CUX2: variants seen among roughly 807,000 people sequenced by gnomAD.
The protein encoded by CUX2 is homeobox protein cut-like 2.
In CUX2, 40 loss-of-function variants were observed where a neutral mutation model predicts 144.8. The observed-to-expected ratio is 0.28, with a 90% confidence interval of 0.21 to 0.36. The LOEUF (loss-of-function observed/expected upper bound fraction) is 0.36, where lower values mean the gene tolerates loss of function less well. Ranked by LOEUF, CUX2 falls within the 10% of genes least tolerant of loss-of-function variation. CUX2 has a pLI of 1.00. For synonymous variants in CUX2, 827 were observed against 875.6 expected (o/e 0.94, Z 0.98); for missense variants, 1,615 against 1,994.0 (o/e 0.81, Z 3.62).
At chr12:111,083,888 A>C (rs1443173981) in intron 1 of CUX2, among the ~76,000 whole-genome samples, 3 of 152,194 alleles carry the variant, frequency 2.0e-5, no homozygotes, top group Non-Finnish European at 2.9e-5. Flanking sequence ...GTGCTTGTTC[A>C]AGGTTACTTT....
At position 111,061,747 on chromosome 12, in the gene CUX2, A is replaced by T. The variant is rs1336877360; in HGVS notation, c.63+27507A>T. Among the ~76,000 whole-genome samples the T allele has an allele frequency of 6.6e-6, 1 of 151,850 alleles. No individual in the cohort carries two copies. The highest frequency in any genetic ancestry group is 1.5e-5 in the Non-Finnish European group (1 of 68,020). On this transcript the variant is annotated intron_variant, in intron 1 of 21. Coordinates refer to ENST00000261726, the MANE Select transcript of CUX2 (RefSeq NM_015267.4). The surrounding 1 kb of genome is among the most constrained non-coding windows in gnomAD (Gnocchi z 4.2). Reference sequence around the variant, plus strand: ...CCTCAGCCTGGCCCTGGCCCTGGGTATCTCTGGGTTTTTTGTCGTTTTCTT... The same window carrying T: ...CCTCAGCCTGGCCCTGGCCCTGGGTTTCTCTGGGTTTTTTGTCGTTTTCTT...
At chr12:111,288,337 C>T (rs1156775510) in intron 4 of CUX2, among the ~76,000 whole-genome samples, 2 of 151,994 alleles carry the variant, frequency 1.3e-5, no homozygotes, top group African/African-American at 2.4e-5. Flanking sequence ...TTACATGCAT[C>T]CTTACCACAG....
chr12:111,058,905 T>G (rs1156811576), intron 1 of CUX2, among the ~76,000 whole-genome samples: 4 of 152,238 alleles, frequency 2.6e-5, no homozygotes, highest in Non-Finnish European at 5.9e-5. Context: ...AGATATGCTC[T>G]GTGACAAGGG....
Position 111,061,752 on chromosome 12 carries a change from T to TG in CUX2, c.63+27515dup, listed in dbSNP as rs1378673886. Among the ~76,000 whole-genome samples the TG allele has an allele frequency of 2.0e-5, 3 of 152,222 alleles. No homozygotes were observed. The highest frequency in any genetic ancestry group is 7.2e-5 in the African/African-American group (3 of 41,452). The stretch of plus-strand genomic sequence containing the variant: ...GCCTGGCCCTGGCCCTGGGTATCTC[T>TG]GGGTTTTTTGTCGTTTTCTTTTTTC... On this transcript the variant is annotated intron_variant, in intron 1 of 21. Coordinates refer to ENST00000261726, the MANE Select transcript of CUX2 (RefSeq NM_015267.4). The surrounding 1 kb of genome is among the most constrained non-coding windows in gnomAD (Gnocchi z 4.2).
intron 16 of CUX2, among the ~76,000 whole-genome samples, chr12:111,319,380 C>T (rs1887386728): frequency 6.6e-6 from 1 of 152,078 alleles, no homozygotes; most frequent in Non-Finnish European, 1.5e-5. Context: ...GAACAAGCCA[C>T]TTTTCTGTGC....
intron 1 of CUX2, among the ~76,000 whole-genome samples, chr12:111,107,532 A>C (rs1873683764): frequency 6.6e-6 from 1 of 152,242 alleles, no homozygotes; most frequent in African/African-American, 2.4e-5. Flanking sequence ...CCAGTGCTGC[A>C]GTTCCCACCG....
intron 16 of CUX2, among the ~76,000 whole-genome samples, chr12:111,319,366 A>G (rs1887385491): frequency 6.6e-6 from 1 of 152,156 alleles, no homozygotes; most frequent in Non-Finnish European, 1.5e-5. Context: ...AAAACAGAAC[A>G]AGTGAACAAG....
intron 4 of CUX2, among the ~76,000 whole-genome samples, chr12:111,288,267 A>G (rs924337203): frequency 3.3e-5 from 5 of 152,072 alleles, no homozygotes; most frequent in Non-Finnish European, 7.4e-5. Context: ...GAGCTCAGAA[A>G]GAAGTGAGGG....
chr12:111,321,895 G>A (rs1010503735), intron 17 of CUX2, among the ~76,000 whole-genome samples: 2 of 151,966 alleles, frequency 1.3e-5, no homozygotes, highest in Non-Finnish European at 2.9e-5. Flanking sequence ...TGGAGGAGGG[G>A]GGCACTGAAG....
intron 1 of CUX2, among the ~76,000 whole-genome samples, chr12:111,155,821 A>G (rs769211029): frequency 2.0e-5 from 3 of 152,166 alleles, no homozygotes; most frequent in Non-Finnish European, 4.4e-5. Flanking sequence ...ATTAGTATTC[A>G]TTTTCTCTAA....
chr12:111,210,866 GC>G (rs1413007125), intron 1 of CUX2, among the ~76,000 whole-genome samples: 1 of 151,844 alleles, frequency 6.6e-6, no homozygotes, highest in Non-Finnish European at 1.5e-5. Flanking sequence ...TAAAACAAAT[GC>G]CCTGAACACC....
chr12:111,038,171 A>G (rs940806440), intron 1 of CUX2, among the ~76,000 whole-genome samples: 61 of 152,364 alleles, frequency 4.0e-4, no homozygotes, highest in Non-Finnish European at 8.8e-5. Flanking sequence ...TGATTAAAAT[A>G]TTATAACCTT....
At chr12:111,211,205 T>C (rs1881208279) in intron 1 of CUX2, among the ~76,000 whole-genome samples, 1 of 152,308 alleles carries the variant, frequency 6.6e-6, no homozygotes, top group African/African-American at 2.4e-5. Context: ...AGGACAAGCA[T>C]AGATTTAGGC....
intron 4 of CUX2, among the ~76,000 whole-genome samples, chr12:111,283,766 C>T (rs1283070906): frequency 6.6e-6 from 1 of 152,134 alleles, no homozygotes; most frequent in Non-Finnish European, 1.5e-5. Context: ...AGAGGGGTTT[C>T]ACCATGTTGG....
At chr12:111,332,325 G>C (rs1274102496) in intron 18 of CUX2, among the ~76,000 whole-genome samples, 8 of 147,070 alleles carry the variant, frequency 5.4e-5, no homozygotes, top group Non-Finnish European at 1.2e-4. Flanking sequence ...GTAGAGACGG[G>C]GTTTCACCAT....
At chr12:111,118,046 G>A (rs1874406265) in intron 1 of CUX2, among the ~76,000 whole-genome samples, 1 of 152,166 alleles carries the variant, frequency 6.6e-6, no homozygotes, top group South Asian at 2.1e-4. Flanking sequence ...AGTTGGTGAT[G>A]ACCAGACATC....
intron 4 of CUX2, 96 bp from the exon 5 acceptor site, chr12:111,291,322 G>A (rs1885669528): frequency 8.4e-6 from 12 of 1,433,102 alleles, no homozygotes; most frequent in Non-Finnish European, 1.0e-5. Flanking sequence ...GGGTGACTCC[G>A]ATGGCTCCTG....
chr12:111,164,600 G>A (rs563619402), intron 1 of CUX2, among the ~76,000 whole-genome samples: 83 of 151,792 alleles, frequency 5.5e-4, no homozygotes, highest in Admixed American at 1.4e-3. Flanking sequence ...GAAAAAAAAA[G>A]AGAACAAGCA....
intron 8 of CUX2, 108 bp downstream of exon 8, chr12:111,296,647 C>A: frequency 1.1e-6 from 1 of 945,250 alleles, no homozygotes; most frequent in Non-Finnish European, 1.6e-6. Context: ...CTCCCAGACA[C>A]ACCTCCTCCC....
Sources: gnomAD v4.1 joint callset for allele counts (sites outside exome capture counted in the v4.1 genomes callset) on GRCh38, gnomAD v4.1.1 for gene constraint, Gnocchi (gnomAD v3.1) non-coding constraint, MANE v1.5 for transcripts, NCBI Gene and HGNC (gene_info 2026-07-23, HGNC 2026-07-21) for gene names.